LIM2: variants seen among roughly 807,000 people sequenced by gnomAD.
LIM2 encodes lens fiber membrane intrinsic protein.
LIM2 carries 14 observed loss-of-function variants against 19.0 expected under a neutral mutation model. The observed-to-expected ratio is 0.74, with a 90% confidence interval of 0.49 to 1.15. The LOEUF (loss-of-function observed/expected upper bound fraction) is 1.15. Ranked by LOEUF, LIM2 falls within the 50% of genes most tolerant of loss-of-function variation. The pLI is 0.00. For synonymous variants in LIM2, 78 were observed against 89.6 expected (o/e 0.87, Z 0.73); for missense variants, 230 against 243.5 (o/e 0.94, Z 0.37).
At position 51,387,262 on chromosome 19, in the gene LIM2, G is replaced by A. The variant is rs1184151784; in HGVS notation, c.175+7C>T. 3 of 1,614,200 alleles carry A rather than the reference G, an allele frequency of 1.9e-6. No homozygotes were observed. Among genetic ancestry groups the A allele is most frequent in the Admixed American group, 3.3e-5 (2 of 60,026 alleles). ...GGCGCGGCCTGGACCCTGGCCGGGG[G>A]GCTCACCGATGCTGTCTGTCTGCAG... On this transcript the variant is annotated splice_region_variant and intron_variant, in intron 2 of 4. Transcript: ENST00000596399.
chr19:51,386,777 A>G (rs1987063374), intron 2 of LIM2, among the ~76,000 whole-genome samples: 1 of 151,060 alleles, frequency 6.6e-6, no homozygotes, highest in African/African-American at 2.4e-5. Context: ...TGCATATATT[A>G]CACATAATAT....
At chr19:51,387,026 T>G in intron 2 of LIM2, 1 of 742,990 alleles carries the variant, frequency 1.3e-6, no homozygotes, top group Non-Finnish European at 2.4e-6. Flanking sequence ...GCATGACACC[T>G]CTGAAGCGTC....
At chr19:51,385,017 C>A (rs571752902) in intron 2 of LIM2, among the ~76,000 whole-genome samples, 1 of 152,120 alleles carries the variant, frequency 6.6e-6, no homozygotes, top group East Asian at 1.9e-4. Context: ...AGCACACCAC[C>A]ACGCCCAGCT....
At position 51,380,657 on chromosome 19, in the gene LIM2, G is replaced by C; in HGVS notation, c.326-18C>G. ...GAAAAGGGCTGGGGAGAGAGGGCGG[G>C]AGGATGCAGGTGGGACTAAGGCTGG... On this transcript the variant is annotated intron_variant, in intron 3 of 4. Coordinates refer to ENST00000596399, the MANE Select transcript of LIM2 (RefSeq NM_001161748.2). 1 of 1,612,808 alleles carries C rather than the reference G, an allele frequency of 6.2e-7. No individual in the cohort carries two copies.
intron 2 of LIM2, among the ~76,000 whole-genome samples, chr19:51,384,583 A>G (rs1454883130): frequency 6.6e-6 from 1 of 152,198 alleles, no homozygotes; most frequent in African/African-American, 2.4e-5. Context: ...ATTCCCAGAA[A>G]ATCACCAGAA....
At chr19:51,382,364 T>C in intron 3 of LIM2, 54 bp downstream of exon 3, 2 of 1,578,694 alleles carry the variant, frequency 1.3e-6, no homozygotes, top group South Asian at 1.1e-5. Flanking sequence ...GGGGACAGAT[T>C]GGGGTTTGAG....
rs200367078 is a variant in LIM2, at chr19:51,386,719, TA to T, written c.175+549del. Among the ~76,000 whole-genome samples, 1,189 of 138,604 alleles carry T rather than the reference TA, an allele frequency of 8.6e-3. 23 individuals carry two copies. The highest frequency in any genetic ancestry group is 0.033 in the African/African-American group (1,112 of 33,552). The allele number at this position is 138,604 out of a possible 152,430, so 90.9% of individuals were successfully genotyped here. ...ACACTATACTGTATATTATTGTCTA[TA>T]TGTAGTTATATATAATACATCATAA... On this transcript the variant is annotated intron_variant, in intron 2 of 4. Transcript: ENST00000596399.
In LIM2 at chr19:51,382,216, C is replaced by T. The variant is rs34140285; in HGVS notation, c.325+202G>A. Among the ~76,000 whole-genome samples, 33,576 of 151,676 alleles carry T rather than the reference C, an allele frequency of 0.22. 4,003 individuals are homozygous for T. The highest frequency in any genetic ancestry group is 0.33 in the Middle Eastern group (96 of 292). The stretch of plus-strand genomic sequence containing the variant: ...TTAGGTGATTCATGCCAGAACTGAA[C>T]TGTAGTACACCAGCTAGTGTCAGAA... On this transcript the variant is annotated intron_variant, in intron 3 of 4. Coordinates refer to ENST00000596399, the MANE Select transcript of LIM2 (RefSeq NM_001161748.2).
chr19:51,384,480 G>A (rs1223687685), intron 2 of LIM2, among the ~76,000 whole-genome samples: 1 of 152,108 alleles, frequency 6.6e-6, no homozygotes, highest in African/African-American at 2.4e-5. Flanking sequence ...ATAAAAAGAG[G>A]AATCTGGACA....
chr19:51,387,297 G>T lies in LIM2; in HGVS notation c.147C>A (p.Asn49Lys). ...TGCTGTCTGTCTGCAGGTAGCACTTGTTGCCCAGGCAGTACCGCCACAGGC... is the reference window on the plus strand; with the variant it reads ...TGCTGTCTGTCTGCAGGTAGCACTTTTTGCCCAGGCAGTACCGCCACAGGC... ...HQGLWRYCLG[N>K]KCYLQTDSIA... Residue 49 changes from asparagine to lysine, a missense_variant, in exon 2 of 5, where the codon AAC becomes AAA. Physicochemically the swap from Asn to Lys is moderately conservative, Grantham distance 94 (BLOSUM62 0). Coordinates refer to ENST00000596399, the MANE Select transcript of LIM2 (RefSeq NM_001161748.2). The T allele has an allele frequency of 1.2e-6, 2 of 1,614,156 alleles. No homozygotes were observed. Among genetic ancestry groups the T allele is most frequent in the Non-Finnish European group, 1.7e-6 (2 of 1,180,050 alleles).
At chr19:51,382,598 C>A in intron 2 of LIM2, 31 bp from the exon 3 acceptor site, 1 of 1,612,404 alleles carries the variant, frequency 6.2e-7, no homozygotes, top group Non-Finnish European at 8.5e-7. Flanking sequence ...CATTCCCACA[C>A]CTCCCCTGCT....
intron 2 of LIM2, among the ~76,000 whole-genome samples, chr19:51,383,951 C>T (rs1196408942): frequency 3.3e-5 from 5 of 152,166 alleles, no homozygotes; most frequent in African/African-American, 7.2e-5. Flanking sequence ...GTAGAAGCCT[C>T]GGTGAGAGAA....
chr19:51,385,332 G>T (rs1042251260), intron 2 of LIM2, among the ~76,000 whole-genome samples: 6 of 152,264 alleles, frequency 3.9e-5, no homozygotes, highest in Middle Eastern at 3.4e-3. Flanking sequence ...GACCAGCCTG[G>T]CCAACATGGT....
intron 2 of LIM2, among the ~76,000 whole-genome samples, chr19:51,385,285 G>A (rs572207238): frequency 3.0e-3 from 462 of 152,332 alleles, no homozygotes; most frequent in Non-Finnish European, 5.1e-3. Context: ...ACTTTGGGAG[G>A]CCGAGGCGGG....
chr19:51,382,899 C>T (rs755660003), intron 2 of LIM2, among the ~76,000 whole-genome samples: 28 of 152,028 alleles, frequency 1.8e-4, no homozygotes, highest in South Asian at 4.2e-4. Flanking sequence ...CATAAACACC[C>T]CCACCACACA....
rs899793491 is a variant in LIM2, at chr19:51,380,128, C to G, written c.*73G>C. On this transcript the variant is annotated 3_prime_UTR_variant, in exon 5 of 5. Coordinates refer to ENST00000596399, the MANE Select transcript of LIM2 (RefSeq NM_001161748.2). ...TTCCCCTAGGAACCAGGATTTCAGGCCTCTAGACCCTCCTCCTCCTCTTCA... is the reference window on the plus strand; with the variant it reads ...TTCCCCTAGGAACCAGGATTTCAGGGCTCTAGACCCTCCTCCTCCTCTTCA... The G allele has an allele frequency of 1.4e-6, 2 of 1,417,090 alleles. No individual in the cohort carries two copies. Among genetic ancestry groups the G allele is most frequent in the Non-Finnish European group, 2.0e-6 (2 of 1,011,860 alleles). 87.8% of individuals were successfully genotyped at this position (1,417,090 alleles called of 1,614,324 possible).
In LIM2 at chr19:51,380,122, T is replaced by G. The variant is rs2070213393; in HGVS notation, c.*79A>C. 1 of 1,357,312 alleles carries G rather than the reference T, an allele frequency of 7.4e-7. No individual in the cohort carries two copies. Among genetic ancestry groups the G allele is most frequent in the Non-Finnish European group, 1.0e-6 (1 of 959,914 alleles). The allele number at this position is 1,357,312 out of a possible 1,614,324, so 84.1% of individuals were successfully genotyped here. A position where few individuals can be genotyped will look rare whatever the true frequency, so the allele number is the denominator to read the frequency against. ...CCCTCATTCCCCTAGGAACCAGGAT[T>G]TCAGGCCTCTAGACCCTCCTCCTCC... On this transcript the variant is annotated 3_prime_UTR_variant, in exon 5 of 5. Coordinates refer to ENST00000596399, the MANE Select transcript of LIM2 (RefSeq NM_001161748.2).
rs773157900 is a variant in LIM2, at chr19:51,387,252, C to T, written c.175+17G>A. 1.9e-6 allele frequency: 3 copies of T among 1,614,206 alleles called. No individual in the cohort carries two copies. In the South Asian group the frequency reaches 3.3e-5, roughly 18 times the overall value. On this transcript the variant is annotated intron_variant, in intron 2 of 4. Coordinates refer to ENST00000596399, the MANE Select transcript of LIM2 (RefSeq NM_001161748.2). ...TCTTTCCCCAGGCGCGGCCTGGACC[C>T]TGGCCGGGGGGCTCACCGATGCTGT...
rs1451316360 is a variant in LIM2, at chr19:51,387,899, G to A, written c.-7+20C>T. ...GGACTTGGGGAAGAGGGGGCTACAG[G>A]TCTCACGCCTGGTGCCTACCTGAGT... On this transcript the variant is annotated intron_variant, in intron 1 of 4. Coordinates refer to ENST00000596399, the MANE Select transcript of LIM2 (RefSeq NM_001161748.2). The A allele has an allele frequency of 9.3e-6, 2 of 214,564 alleles. No individual in the cohort carries two copies. Among genetic ancestry groups the A allele is most frequent in the Non-Finnish European group, 1.9e-5 (2 of 105,218 alleles). 13.3% of individuals were successfully genotyped at this position (214,564 alleles called of 1,614,324 possible). A position where few individuals can be genotyped will look rare whatever the true frequency, so the allele number is the denominator to read the frequency against.
Sources: gnomAD v4.1 joint callset for allele counts (sites outside exome capture counted in the v4.1 genomes callset) on GRCh38, gnomAD v4.1.1 for gene constraint, MANE v1.5 for transcripts, NCBI Gene and HGNC (gene_info 2026-07-23, HGNC 2026-07-21) for gene names.